Variants in ACSS1 observed in about 807,000 individuals in gnomAD.
ACSS1 encodes the protein acetyl-coenzyme A synthetase 2-like, mitochondrial.
A neutral mutation model predicts 75.3 loss-of-function variants in ACSS1; 42 were observed. The observed-to-expected ratio is 0.56, with a 90% CI of 0.44 to 0.72. The LOEUF (loss-of-function observed/expected upper bound fraction) is 0.72, where lower values mean the gene tolerates loss of function less well. ACSS1 is among the 30% of genes least tolerant of loss of function. The pLI is 0.00. For missense variants in ACSS1, 782 were observed against 935.7 expected, an observed-to-expected ratio of 0.84 and a Z score of 2.14; for synonymous variants, 380 against 376.8, an observed-to-expected ratio of 1.01 and a Z score of -0.10.
chr20:25,046,979 G>C (rs1339112297), intron 2 of ACSS1: 3 of 772,914 alleles, frequency 3.9e-6, no homozygotes, highest in Admixed American at 3.4e-5. Flanking sequence ...ATGGGCCTGA[G>C]GGCTCCTGGG....
chr20:25,021,660 A>T, intron 5 of ACSS1, 124 bp from the exon 6 acceptor site: 1 of 1,253,546 alleles, frequency 8.0e-7, no homozygotes. Context: ...CTGGCTCCTC[A>T]AATGGCCTCC....
intron 6 of ACSS1, 95 bp from the exon 7 acceptor site, chr20:25,020,242 T>C (rs2088597060): frequency 6.5e-7 from 1 of 1,541,996 alleles, no homozygotes; most frequent in Non-Finnish European, 8.9e-7. Flanking sequence ...GCTGGGCATG[T>C]GCAGACGCGC....
At chr20:25,008,848 A>G (rs944458234) in intron 13 of ACSS1, among the ~76,000 whole-genome samples, 1 of 152,202 alleles carries the variant, frequency 6.6e-6, no homozygotes, top group African/African-American at 2.4e-5. Context: ...CCAACATACG[A>G]GAGCAGAAGC....
intron 7 of ACSS1, among the ~76,000 whole-genome samples, chr20:25,016,243 A>G (rs1480072080): frequency 6.6e-6 from 1 of 152,174 alleles, no homozygotes; most frequent in Non-Finnish European, 1.5e-5. Flanking sequence ...GATGCAGGCC[A>G]CACTGTGGTC....
At chr20:25,008,607 C>G (rs1040244942) in intron 13 of ACSS1, among the ~76,000 whole-genome samples, 1 of 152,070 alleles carries the variant, frequency 6.6e-6, no homozygotes, top group Admixed American at 6.5e-5. Context: ...AGTCACAGCG[C>G]GCAATGTTCA....
At chr20:25,057,630 G>A in intron 1 of ACSS1, 139 bp downstream of exon 1, 4 of 728,132 alleles carry the variant, frequency 5.5e-6, no homozygotes, top group Non-Finnish European at 8.5e-6. Context: ...AGCGGGCGGG[G>A]CGGACGGAAT....
chr20:25,021,682 A>T (rs45509096), intron 5 of ACSS1, 146 bp from the exon 6 acceptor site: 22,303 of 973,600 alleles, frequency 0.023, 411 homozygotes, highest in African/African-American at 0.076. Flanking sequence ...GCAGCAGGAC[A>T]GGTGGGCACA....
At chr20:25,046,450 G>A (rs1015459476) in intron 2 of ACSS1, 6 of 293,730 alleles carry the variant, frequency 2.0e-5, no homozygotes, top group East Asian at 1.7e-4. Flanking sequence ...CACGGGCAGC[G>A]TCCAGCCGAG....
intron 1 of ACSS1, among the ~76,000 whole-genome samples, chr20:25,054,064 G>A (rs751851257): frequency 6.6e-6 from 1 of 152,218 alleles, no homozygotes; most frequent in Non-Finnish European, 1.5e-5. Context: ...CTTCTGCAAG[G>A]CAGTTTTACA....
In ACSS1 at chr20:25,020,006, TCAC is replaced by T; in HGVS notation, c.1246+1_1246+3del. 1 of 1,614,162 alleles carries T rather than the reference TCAC, an allele frequency of 6.2e-7. No individual in the cohort carries two copies. Among genetic ancestry groups the T allele is most frequent in the South Asian group, 1.1e-5 (1 of 91,088 alleles). ...CCTCTCCTGCTGCAGGGCAGGCCGC[TCAC>T]CTGACCCCAGGGTCCGCAGGGAGGA... On this transcript the variant is annotated splice_donor_variant and splice_donor_region_variant and intron_variant, in intron 7 of 13. Transcript: ENST00000323482. LOFTEE classifies it high-confidence loss of function.
chr20:25,007,953 C>T lies in ACSS1; in HGVS notation c.1891-12G>A. On this transcript the variant is annotated splice_polypyrimidine_tract_variant and intron_variant, in intron 13 of 13. Transcript: ENST00000323482. ...AGACGTTTCACCACCTGGCAAGGAA[C>T]AGGCACAGTGTTAGAGCGTGGATGG... 6.2e-7 allele frequency: 1 copy of T among 1,613,506 alleles called. No homozygotes were observed. Among genetic ancestry groups the T allele is most frequent in the East Asian group, 2.2e-5 (1 of 44,882 alleles).
intron 8 of ACSS1, among the ~76,000 whole-genome samples, 159 bp downstream of exon 8, chr20:25,014,979 T>G (rs2088490006): frequency 6.6e-6 from 1 of 152,222 alleles, no homozygotes; most frequent in Non-Finnish European, 1.5e-5. Context: ...AGGCGACCTC[T>G]GAGTTCCCTC....
intron 1 of ACSS1, among the ~76,000 whole-genome samples, chr20:25,050,391 C>A (rs1172817700): frequency 2.0e-5 from 3 of 151,990 alleles, no homozygotes; most frequent in Non-Finnish European, 1.5e-5. Flanking sequence ...CACCCACCAT[C>A]CCCCCCGGGA....
intron 5 of ACSS1, 98 bp from the exon 6 acceptor site, chr20:25,021,634 T>C: frequency 2.0e-6 from 3 of 1,478,692 alleles, no homozygotes; most frequent in Middle Eastern, 2.2e-4. Flanking sequence ...CTGCAGTCCA[T>C]AGCTGTGAGA....
At chr20:25,029,962 G>A (rs571337641) in intron 3 of ACSS1, among the ~76,000 whole-genome samples, 17 of 152,348 alleles carry the variant, frequency 1.1e-4, no homozygotes, top group Middle Eastern at 3.4e-3. Flanking sequence ...GTTCTAGAGA[G>A]AGGAAGAAAA....
intron 7 of ACSS1, among the ~76,000 whole-genome samples, chr20:25,016,927 C>T (rs866777777): frequency 6.6e-6 from 1 of 151,974 alleles, no homozygotes; most frequent in Non-Finnish European, 1.5e-5. Flanking sequence ...GAGACAGGGC[C>T]GAAGGCGCAG....
At chr20:25,035,080 A>G (rs761811409) in intron 2 of ACSS1, among the ~76,000 whole-genome samples, 1 of 151,778 alleles carries the variant, frequency 6.6e-6, no homozygotes, top group Non-Finnish European at 1.5e-5. Context: ...TATTTTTAGT[A>G]GAGACGGGGT....
intron 1 of ACSS1, among the ~76,000 whole-genome samples, chr20:25,057,492 G>T (rs1600358346): frequency 6.6e-6 from 1 of 152,188 alleles, no homozygotes; most frequent in Admixed American, 6.5e-5. Context: ...GAGGAGCCGC[G>T]CCGAGCAAGG....
chr20:25,052,306 G>C (rs1214173464), intron 1 of ACSS1, among the ~76,000 whole-genome samples: 1 of 152,200 alleles, frequency 6.6e-6, no homozygotes, highest in Non-Finnish European at 1.5e-5. Flanking sequence ...TTTCCAAGAA[G>C]AGTTGGGCAA....
Sources: allele counts gnomAD v4.1 joint callset (sites outside exome capture counted in the v4.1 genomes callset), GRCh38; gene constraint gnomAD v4.1.1; transcripts MANE v1.5; gene names NCBI Gene and HGNC (gene_info 2026-07-23, HGNC 2026-07-21).